BRWD3: variants seen among roughly 807,000 people sequenced by gnomAD.
The protein encoded by BRWD3 is bromodomain and WD repeat domain containing 3.
Under a neutral mutation model 149.7 loss-of-function variants are expected in BRWD3, and 10 were observed. The observed-to-expected ratio is 0.07, with a 90% CI of 0.04 to 0.11. The LOEUF (loss-of-function observed/expected upper bound fraction) is 0.11, where lower values mean the gene tolerates loss of function less well. Among genes scored for constraint, BRWD3 ranks in the 10% least tolerant of loss-of-function variants. BRWD3 has a pLI of 1.00. For missense variants in BRWD3, 940 were observed against 1,373.2 expected (o/e 0.68, Z 4.99); for synonymous variants, 504 against 456.7 (o/e 1.10, Z -1.32).
rs769618856 is a variant in BRWD3, at chrX:80,788,198, C to T, written c.430+3656G>A. ...CATGCTTGTAATCCCAGGGGGAGGC[C>T]GAGGCAGGTGATTGCTTCAGCCCAG... On this transcript the variant is annotated intron_variant, in intron 6 of 40. Coordinates refer to ENST00000373275, the MANE Select transcript of BRWD3 (RefSeq NM_153252.5). Among the ~76,000 whole-genome samples, 5 of 109,666 alleles carry T rather than the reference C, an allele frequency of 4.6e-5. No homozygotes were observed. The South Asian group carries it at 1.9e-3, about 42-fold the overall frequency.
intron 11 of BRWD3, among the ~76,000 whole-genome samples, 181 bp downstream of exon 11, chrX:80,733,937 C>G (rs1336594696): frequency 9.0e-6 from 1 of 111,029 alleles, no homozygotes; most frequent in Non-Finnish European, 1.9e-5. Context: ...AGGTAATCTT[C>G]TTTTAGAATA....
intron 8 of BRWD3, among the ~76,000 whole-genome samples, chrX:80,740,144 G>A (rs1483339081): frequency 9.0e-6 from 1 of 111,064 alleles, no homozygotes; most frequent in Non-Finnish European, 1.9e-5. Flanking sequence ...ATTCTTGCTA[G>A]CTCCCCATAA....
intron 5 of BRWD3, among the ~76,000 whole-genome samples, chrX:80,793,032 C>T (rs957635436): frequency 1.9e-5 from 2 of 107,191 alleles, no homozygotes; most frequent in African/African-American, 3.4e-5. Flanking sequence ...CGAGGTGGCA[C>T]GCGCCTGTAG....
In BRWD3 at chrX:80,703,452, G is replaced by A. The variant is rs772236074; in HGVS notation, c.2835+28C>T. ...AAGTTAGTGCTCTTGAGGCTCCACA[G>A]AAAAAGGTTATAACAGGTAATAATT... On this transcript the variant is annotated intron_variant, in intron 24 of 40. Transcript: ENST00000373275. The A allele has an allele frequency of 3.8e-6, 4 of 1,048,801 alleles. No individual in the cohort carries two copies. The East Asian group carries it at 1.2e-4, about 33-fold the overall frequency. 86.4% of individuals were successfully genotyped at this position (1,048,801 alleles called of 1,213,427 possible). A position where few individuals can be genotyped will look rare whatever the true frequency, so the allele number is the denominator to read the frequency against.
At position 80,745,556 on chromosome X, in the gene BRWD3, A is replaced by ATT. The variant is rs1421047303; in HGVS notation, c.591+11_591+12dup. ...TTCTATATATGTTACCATATTATAA[A>ATT]TTTTACACTCACTGTAAAAATTCTT... On this transcript the variant is annotated intron_variant, in intron 7 of 40. Transcript: ENST00000373275. 1 of 1,193,849 alleles carries ATT rather than the reference A, an allele frequency of 8.4e-7. No individual in the cohort carries two copies. Among genetic ancestry groups the ATT allele is most frequent in the African/African-American group, 1.8e-5 (1 of 56,608 alleles).
At chrX:80,761,281 GTAA>G (rs2073799816) in intron 6 of BRWD3, among the ~76,000 whole-genome samples, 1 of 111,924 alleles carries the variant, frequency 8.9e-6, no homozygotes, top group African/African-American at 3.2e-5. Context: ...ATCAAGGTCA[GTAA>G]TAAGAAATAA....
At chrX:80,732,388 T>A (rs1347259272) in intron 12 of BRWD3, among the ~76,000 whole-genome samples, 1 of 112,015 alleles carries the variant, frequency 8.9e-6, no homozygotes, top group Non-Finnish European at 1.9e-5. Flanking sequence ...GATATCTGCA[T>A]ATAATTTCTG....
chrX:80,715,690 A>G (rs1049122236), intron 20 of BRWD3, among the ~76,000 whole-genome samples: 1 of 112,106 alleles, frequency 8.9e-6, no homozygotes, highest in African/African-American at 3.2e-5. Context: ...CAACTATTCA[A>G]TTCTGTCTTA....
At chrX:80,700,960 T>C (rs755647383) in intron 24 of BRWD3, among the ~76,000 whole-genome samples, 8 of 110,483 alleles carry the variant, frequency 7.2e-5, no homozygotes, top group Non-Finnish European at 1.5e-4. Flanking sequence ...TAGAGCCAAT[T>C]CTGTGTGGAT....
intron 4 of BRWD3, among the ~76,000 whole-genome samples, chrX:80,798,144 A>G (rs761201472): frequency 9.0e-6 from 1 of 111,605 alleles, no homozygotes; most frequent in African/African-American, 3.2e-5. Flanking sequence ...TGATTGTAAC[A>G]CTAGAGAAAC....
rs151103792 is a variant in BRWD3 at position 80,782,294 on chromosome X, G to A, written c.430+9560C>T. On this transcript the variant is annotated intron_variant, in intron 6 of 40. Transcript: ENST00000373275. ...TTCAATAAATGGTGCTAGGAAAATTGGATACCCATATGCAGAAGAATGAAA... is the reference window on the plus strand; with the variant it reads ...TTCAATAAATGGTGCTAGGAAAATTAGATACCCATATGCAGAAGAATGAAA... Among the ~76,000 whole-genome samples, 805 of 111,588 alleles carry A rather than the reference G, an allele frequency of 7.2e-3. 3 individuals carry two copies. The highest frequency in any genetic ancestry group is 0.012 in the Non-Finnish European group (613 of 53,148).
intron 6 of BRWD3, among the ~76,000 whole-genome samples, chrX:80,764,384 C>A (rs1399127576): frequency 1.8e-5 from 2 of 111,583 alleles, no homozygotes; most frequent in Non-Finnish European, 3.8e-5. Context: ...TGGCTCACTG[C>A]AAGCTCCGCC....
rs2072535304 is a variant in BRWD3, at chrX:80,686,963, G to A, written c.3905C>T (p.Pro1302Leu). ...CTTGCATTGTTTTTTCCAAGCATCA[G>A]GATTACACTTTAAAGACTGTCTTCT... ...RGRRQSLKCN[P>L]DAWKKQCKEL... is the part of the protein sequence containing the mutation. Residue 1302 changes from proline to leucine, a missense_variant, in exon 35 of 41, where the codon CCT becomes CTT. Physicochemically the swap from Pro to Leu is moderately conservative, Grantham distance 98 (BLOSUM62 -3). This residue lies in a region of BRWD3 where 349 missense variants were observed against 419.6 expected (regional missense o/e 0.83). Transcript: ENST00000373275. 1 of 1,209,403 alleles carries A rather than the reference G, an allele frequency of 8.3e-7. No individual in the cohort carries two copies. The highest frequency in any genetic ancestry group is 1.1e-6 in the Non-Finnish European group (1 of 894,097).
At position 80,675,175 on chromosome X, in the gene BRWD3, T is replaced by C. The variant is rs1213605400; in HGVS notation, c.*1434A>G. ...TATGGAACCATGTGCACTCTACTGC[T>C]GTAAACAAGACAATAAGGGTTTTTA... On this transcript the variant is annotated 3_prime_UTR_variant, in exon 41 of 41. Transcript: ENST00000373275. 8.9e-6 allele frequency: 1 copy of C among 111,984 alleles called. No homozygotes were observed. The highest frequency in any genetic ancestry group is 1.9e-5 in the Non-Finnish European group (1 of 53,134). 9.2% of individuals were successfully genotyped at this position (111,984 alleles called of 1,213,427 possible).
chrX:80,719,695 A>T (rs1347796967), intron 17 of BRWD3, 39 bp from the exon 18 acceptor site: 6 of 1,156,883 alleles, frequency 5.2e-6, no homozygotes, highest in Non-Finnish European at 7.1e-6. Flanking sequence ...AATTACTTAC[A>T]TTTTAGTATA....
intron 4 of BRWD3, among the ~76,000 whole-genome samples, chrX:80,795,650 G>A (rs752247605): frequency 9.1e-6 from 1 of 109,998 alleles, no homozygotes; most frequent in Admixed American, 9.8e-5. Flanking sequence ...GGAGGCAAAG[G>A]TAGGAGAATC....
chrX:80,714,467 A>G (rs1456285374), intron 20 of BRWD3, among the ~76,000 whole-genome samples: 1 of 110,141 alleles, frequency 9.1e-6, no homozygotes, highest in Non-Finnish European at 1.9e-5. Flanking sequence ...AACTCTTTCA[A>G]CCAATTTCCA....
At chrX:80,726,094 G>C (rs2073233243) in intron 14 of BRWD3, among the ~76,000 whole-genome samples, 1 of 107,537 alleles carries the variant, frequency 9.3e-6, no homozygotes, top group African/African-American at 3.4e-5. Context: ...ATAACAACAT[G>C]TTTACATGTT....
intron 20 of BRWD3, chrX:80,710,424 T>A (rs763509206): frequency 8.8e-6 from 3 of 339,024 alleles, no homozygotes; most frequent in African/African-American, 2.6e-5. Flanking sequence ...CAGCTCGTAC[T>A]TACTTGGAGA....
Sources: allele counts gnomAD v4.1 joint callset (sites outside exome capture counted in the v4.1 genomes callset), GRCh38; gene constraint gnomAD v4.1.1; regional missense constraint gnomAD v4.1.1; transcripts MANE v1.5; gene names NCBI Gene and HGNC (gene_info 2026-07-23, HGNC 2026-07-21).